Variants in OTUD7A observed in about 807,000 individuals in gnomAD.
OTUD7A encodes OTU domain-containing protein 7A.
OTUD7A carries 12 observed loss-of-function variants against 65.7 expected under a neutral mutation model. That is an observed-to-expected ratio of 0.18 (90% CI 0.12 to 0.30). The LOEUF is 0.30. OTUD7A is among the 10% of genes least tolerant of loss of function. OTUD7A has a pLI of 1.00. For synonymous variants in OTUD7A, 641 were observed against 586.3 expected, an observed-to-expected ratio of 1.09 and a Z score of -1.35; for missense variants, 1,148 against 1,304.8, an observed-to-expected ratio of 0.88 and a Z score of 1.85.
chr15:31,733,104 T>A (rs1894091968), intron 1 of OTUD7A, among the ~76,000 whole-genome samples: 1 of 152,230 alleles, frequency 6.6e-6, no homozygotes, highest in African/African-American at 2.4e-5. Flanking sequence ...TCCTGACTCA[T>A]GATCCTGGGG....
intron 1 of OTUD7A, among the ~76,000 whole-genome samples, chr15:31,821,690 AAACT>A: frequency 6.6e-6 from 1 of 152,320 alleles, no homozygotes; most frequent in African/African-American, 2.4e-5. Context: ...AGCAACTACC[AAACT>A]ATTTCTCAAA....
chr15:31,563,594 A>G (rs1888765506), intron 4 of OTUD7A, among the ~76,000 whole-genome samples: 1 of 152,162 alleles, frequency 6.6e-6, no homozygotes, highest in Admixed American at 6.5e-5. Context: ...ATCATCCCCT[A>G]GCCCCAGCCC....
At chr15:31,493,800 A>T (rs1207278557) in intron 10 of OTUD7A, among the ~76,000 whole-genome samples, 1 of 152,228 alleles carries the variant, frequency 6.6e-6, no homozygotes, top group African/African-American at 2.4e-5. Context: ...GAATAGTTTG[A>T]ACGGAATGAA....
intron 3 of OTUD7A, among the ~76,000 whole-genome samples, chr15:31,618,417 T>A (rs1428861294): frequency 6.6e-6 from 1 of 152,236 alleles, no homozygotes; most frequent in East Asian, 1.9e-4. Flanking sequence ...TGTTCCTATT[T>A]CTCCACATCC....
chr15:31,652,793 A>G (rs1891879381), intron 3 of OTUD7A, among the ~76,000 whole-genome samples: 1 of 152,220 alleles, frequency 6.6e-6, no homozygotes, highest in Non-Finnish European at 1.5e-5. Flanking sequence ...ACAGCTATCA[A>G]ATGGTTAAAA....
rs1407317984 is a variant in OTUD7A at position 31,482,398 on chromosome 15, G to A, written c.*896C>T. ...CCTCGCTGTCTCCCGGGGCACCGAT[G>A]GTCACCGCCCAGGGGCCCGCCAGCG... On this transcript the variant is annotated 3_prime_UTR_variant, in exon 13 of 13. Coordinates refer to ENST00000307050, the MANE Select transcript of OTUD7A (RefSeq NM_001382637.1). 6.6e-6 allele frequency: 1 copy of A among 152,354 alleles called. No individual in the cohort carries two copies. Among genetic ancestry groups the A allele is most frequent in the Non-Finnish European group, 1.5e-5 (1 of 68,120 alleles). The allele number at this position is 152,354 out of a possible 1,614,324, so 9.4% of individuals were successfully genotyped here. A position where few individuals can be genotyped will look rare whatever the true frequency, so the allele number is the denominator to read the frequency against.
intron 1 of OTUD7A, among the ~76,000 whole-genome samples, chr15:31,675,353 T>C (rs2030826367): frequency 6.6e-6 from 1 of 152,174 alleles, no homozygotes; most frequent in Non-Finnish European, 1.5e-5. Context: ...AAGTGAATTC[T>C]CCTCTTGTTA....
At chr15:31,564,788 G>A (rs1888812697) in intron 4 of OTUD7A, among the ~76,000 whole-genome samples, 1 of 152,044 alleles carries the variant, frequency 6.6e-6, no homozygotes. Context: ...TTGTCTACAA[G>A]AATCACATTT....
At position 31,623,870 on chromosome 15, in the gene OTUD7A, G is replaced by A. The variant is rs554895273; in HGVS notation, c.151+31226C>T. Among the ~76,000 whole-genome samples the A allele has an allele frequency of 2.2e-4, 34 of 152,332 alleles. No individual in the cohort carries two copies. In the South Asian group the frequency reaches 6.8e-3, roughly 31 times the overall value. On this transcript the variant is annotated intron_variant, in intron 3 of 12. Transcript: ENST00000307050. ...TTCTGCATCGCTCACGCTGGGAGCT[G>A]TAGACTGGAGCTGTTCCTATTCGGC...
At chr15:31,577,752 G>A (rs1012444391) in intron 3 of OTUD7A, among the ~76,000 whole-genome samples, 1 of 148,850 alleles carries the variant, frequency 6.7e-6, no homozygotes, top group Non-Finnish European at 1.5e-5. Context: ...ACAATACTAT[G>A]TTCCTAGTTT....
intron 3 of OTUD7A, among the ~76,000 whole-genome samples, chr15:31,601,105 C>G (rs1015904410): frequency 6.6e-6 from 1 of 152,126 alleles, no homozygotes; most frequent in African/African-American, 2.4e-5. Context: ...CCGGACCAAG[C>G]AGACCTAATA....
chr15:31,800,125 A>G (rs1484749510), intron 1 of OTUD7A, among the ~76,000 whole-genome samples: 2 of 152,150 alleles, frequency 1.3e-5, no homozygotes, highest in Non-Finnish European at 2.9e-5. Context: ...TGGCCAGATG[A>G]TTATTAATAA....
At chr15:31,817,794 C>T (rs1896587783) in intron 1 of OTUD7A, among the ~76,000 whole-genome samples, 2 of 152,346 alleles carry the variant, frequency 1.3e-5, no homozygotes, top group South Asian at 4.1e-4. Flanking sequence ...CAACCTGCTG[C>T]CCACCTGCCT....
Position 31,498,694 on chromosome 15 carries a change from T to C in OTUD7A, c.1171+2996A>G, listed in dbSNP as rs1041139511. On this transcript the variant is annotated intron_variant, in intron 10 of 12. Transcript: ENST00000307050. This position sits in a 1 kb window ranked among gnomAD's most constrained non-coding sequence, Gnocchi z 4.2. Reference sequence around the variant, plus strand: ...AAGGAGGCTGCTTCCTGCAAAAAGCTGAAGGCCCAAGGCTCAGGTTGTCAG... The same window carrying C: ...AAGGAGGCTGCTTCCTGCAAAAAGCCGAAGGCCCAAGGCTCAGGTTGTCAG... Among the ~76,000 whole-genome samples the C allele has an allele frequency of 1.3e-5, 2 of 152,226 alleles. No individual in the cohort carries two copies. The highest frequency in any genetic ancestry group is 4.8e-5 in the African/African-American group (2 of 41,458).
At chr15:31,824,206 T>C (rs997826332) in intron 1 of OTUD7A, among the ~76,000 whole-genome samples, 1 of 152,210 alleles carries the variant, frequency 6.6e-6, no homozygotes, top group Non-Finnish European at 1.5e-5. Context: ...CTGCTCCTTA[T>C]GCCAGGCTGG....
chr15:31,655,038 T>C (rs16955808), intron 3 of OTUD7A, 58 bp downstream of exon 3: 50,251 of 1,569,842 alleles, frequency 0.032, 3,067 homozygotes, highest in African/African-American at 0.27. Flanking sequence ...GAAATCTTCT[T>C]ATTTGGAAGG....
At chr15:31,512,069 C>G (rs892574773) in intron 8 of OTUD7A, among the ~76,000 whole-genome samples, 2 of 152,180 alleles carry the variant, frequency 1.3e-5, no homozygotes, top group Non-Finnish European at 2.9e-5. Context: ...CAGTTTCTCT[C>G]TCCTTGGTAT....
intron 1 of OTUD7A, among the ~76,000 whole-genome samples, chr15:31,753,680 CTGTGAGATATATATATATA>C (rs1490559695): frequency 7.8e-5 from 7 of 90,108 alleles, no homozygotes; most frequent in Admixed American, 3.8e-4. Flanking sequence ...TATATATAAC[CTGTGAGATATATATATATA>C]TATTATATAT....
chr15:31,549,350 C>G (rs1446956244), intron 5 of OTUD7A, among the ~76,000 whole-genome samples: 1 of 152,178 alleles, frequency 6.6e-6, no homozygotes, highest in Non-Finnish European at 1.5e-5. Flanking sequence ...AGTAATGACA[C>G]TGTATCTGTG....
Sources: gnomAD v4.1 joint callset for allele counts (sites outside exome capture counted in the v4.1 genomes callset) on GRCh38, gnomAD v4.1.1 for gene constraint, Gnocchi (gnomAD v3.1) non-coding constraint, MANE v1.5 for transcripts, NCBI Gene and HGNC (gene_info 2026-07-23, HGNC 2026-07-21) for gene names.